COX7A2L: variants seen among roughly 807,000 people sequenced by gnomAD.
COX7A2L encodes the protein cytochrome c oxidase subunit 7A2-like, mitochondrial.
In COX7A2L, 18 loss-of-function variants were observed where a neutral mutation model predicts 14.2. The ratio of observed to expected loss-of-function variants is 1.27; its 90% confidence interval spans 0.88 to 1.88. The LOEUF (loss-of-function observed/expected upper bound fraction) is 1.88, where lower values mean the gene tolerates loss of function less well. Among genes scored for constraint, COX7A2L ranks in the 40% most tolerant of loss-of-function variants. COX7A2L has a pLI of 0.00. For missense variants in COX7A2L, 179 were observed against 138.8 expected (o/e 1.29, Z -1.46); for synonymous variants, 65 against 57.4 (o/e 1.13, Z -0.60).
rs1336836940 is a variant in COX7A2L, at chr2:42,349,705, A to T, written c.*1514T>A. ...AATCTGAAAGTAAACTATGTATTAG[A>T]TGGTAGTATTGTTATAAATGTTAAC... On this transcript the variant is annotated 3_prime_UTR_variant, in exon 3 of 3. Coordinates refer to ENST00000234301, the MANE Select transcript of COX7A2L (RefSeq NM_004718.4). 6.6e-6 allele frequency: 1 copy of T among 152,224 alleles called. No homozygotes were observed. Among genetic ancestry groups the T allele is most frequent in the Non-Finnish European group, 1.5e-5 (1 of 68,046 alleles). 9.4% of individuals were successfully genotyped at this position (152,224 alleles called of 1,614,324 possible). A position where few individuals can be genotyped will look rare whatever the true frequency, so the allele number is the denominator to read the frequency against.
intron 2 of COX7A2L, among the ~76,000 whole-genome samples, chr2:42,351,648 A>C (rs562260529): frequency 6.6e-6 from 1 of 152,332 alleles, no homozygotes; most frequent in South Asian, 2.1e-4. Flanking sequence ...GCATTTTTTA[A>C]AAGGCAAAGG....
chr2:42,367,538 G>T (rs1671189632), intron 1 of COX7A2L, among the ~76,000 whole-genome samples: 2 of 152,178 alleles, frequency 1.3e-5, no homozygotes, highest in Non-Finnish European at 1.5e-5. Flanking sequence ...CTAATGGAAG[G>T]CAAATCTCCT....
At chr2:42,355,139 A>T (rs1242946450) in intron 1 of COX7A2L, among the ~76,000 whole-genome samples, 4 of 152,188 alleles carry the variant, frequency 2.6e-5, no homozygotes, top group Non-Finnish European at 5.9e-5. Flanking sequence ...ATTTAAAGAG[A>T]AAGTTTGGTC....
At chr2:42,347,585 G>C (rs1222393333), downstream of COX7A2L, among the ~76,000 whole-genome samples, 4 of 152,130 alleles carry the variant, frequency 2.6e-5, no homozygotes, top group African/African-American at 4.8e-5. Flanking sequence ...GTGAGATTTG[G>C]AAGGTATACT....
intron 2 of COX7A2L, 186 bp downstream of exon 2, chr2:42,353,026 C>A (rs1670695135): frequency 7.3e-6 from 5 of 684,382 alleles, no homozygotes; most frequent in Non-Finnish European, 1.2e-5. Flanking sequence ...CCACCCTCCC[C>A]TCTTTTATCA....
intron 2 of COX7A2L, among the ~76,000 whole-genome samples, chr2:42,352,561 A>G (rs1463739977): frequency 6.6e-6 from 1 of 152,152 alleles, no homozygotes; most frequent in African/African-American, 2.4e-5. Context: ...GATCAAAACA[A>G]AAGTGCTCTA....
At chr2:42,344,401 C>T (rs1442866153), downstream of COX7A2L, among the ~76,000 whole-genome samples, 1 of 152,178 alleles carries the variant, frequency 6.6e-6, no homozygotes, top group Admixed American at 6.5e-5. Flanking sequence ...TCCTTTTGCT[C>T]ATACATAATT....
intron 2 of COX7A2L, among the ~76,000 whole-genome samples, chr2:42,340,904 G>A (rs1166337266): frequency 1.3e-5 from 2 of 152,178 alleles, no homozygotes; most frequent in Non-Finnish European, 2.9e-5. Context: ...AAGAGCTACT[G>A]ATGGCAAAGG....
At chr2:42,341,469 C>T (rs914258130) in intron 2 of COX7A2L, among the ~76,000 whole-genome samples, 2 of 152,228 alleles carry the variant, frequency 1.3e-5, no homozygotes, top group East Asian at 3.9e-4. Context: ...AACTTCCTTT[C>T]CCACAGCCAT....
intron 1 of COX7A2L, among the ~76,000 whole-genome samples, chr2:42,367,411 A>G (rs1225365653): frequency 6.6e-6 from 1 of 152,232 alleles, no homozygotes; most frequent in African/African-American, 2.4e-5. Flanking sequence ...CAAAATGGCT[A>G]ACTTGGGGAG....
chr2:42,356,854 C>T (rs763563626), intron 1 of COX7A2L, among the ~76,000 whole-genome samples: 2 of 152,140 alleles, frequency 1.3e-5, no homozygotes, highest in African/African-American at 4.8e-5. Flanking sequence ...TGAGCCCAGG[C>T]GGTCGAGGCT....
intron 2 of COX7A2L, among the ~76,000 whole-genome samples, chr2:42,336,751 A>G (rs1364159411): frequency 6.6e-6 from 1 of 152,216 alleles, no homozygotes; most frequent in Non-Finnish European, 1.5e-5. Flanking sequence ...CTCCTCTTCT[A>G]CGGACTTCAG....
intron 2 of COX7A2L, among the ~76,000 whole-genome samples, chr2:42,337,535 A>G (rs1166635594): frequency 7.2e-6 from 1 of 139,660 alleles, no homozygotes; most frequent in African/African-American, 2.7e-5. Context: ...GATGGCGGCC[A>G]CCATGAATCT....
intron 2 of COX7A2L, among the ~76,000 whole-genome samples, chr2:42,340,135 T>C (rs1322021828): frequency 6.6e-6 from 1 of 152,060 alleles, no homozygotes; most frequent in Admixed American, 6.5e-5. Context: ...GCAACCCACA[T>C]TCTCCAAAGA....
chr2:42,345,785 A>G (rs1670483929), downstream of COX7A2L, among the ~76,000 whole-genome samples: 1 of 152,184 alleles, frequency 6.6e-6, no homozygotes, highest in Admixed American at 6.5e-5. Context: ...ATGTGAACCC[A>G]GAGCACTGTT....
chr2:42,340,465 C>G (rs1003594116), intron 2 of COX7A2L, among the ~76,000 whole-genome samples: 15 of 152,214 alleles, frequency 9.9e-5, no homozygotes, highest in Non-Finnish European at 2.1e-4. Flanking sequence ...ACAAAAACAT[C>G]CTTGCTGGAT....
At chr2:42,360,535 G>C (rs1670992029) in intron 1 of COX7A2L, among the ~76,000 whole-genome samples, 1 of 152,130 alleles carries the variant, frequency 6.6e-6, no homozygotes, top group Admixed American at 6.6e-5. Context: ...TTTACAATCG[G>C]GAAAGTGTAA....
chr2:42,341,616 T>C (rs1030864272), intron 2 of COX7A2L, among the ~76,000 whole-genome samples: 9 of 152,166 alleles, frequency 5.9e-5, no homozygotes, highest in African/African-American at 2.2e-4. Flanking sequence ...GGACACAAAG[T>C]TATAAAACCA....
At chr2:42,341,601 T>TG (rs1000671157) in intron 2 of COX7A2L, among the ~76,000 whole-genome samples, 14 of 152,032 alleles carry the variant, frequency 9.2e-5, no homozygotes, top group Non-Finnish European at 1.8e-4. Context: ...GAGTGATGGG[T>TG]GGGGGGACAC....
Sources: allele counts gnomAD v4.1 joint callset (sites outside exome capture counted in the v4.1 genomes callset), GRCh38; gene constraint gnomAD v4.1.1; transcripts MANE v1.5; gene names NCBI Gene and HGNC (gene_info 2026-07-23, HGNC 2026-07-21).